Variants in AGMO observed in about 807,000 individuals in gnomAD.
AGMO encodes the protein glyceryl-ether monooxygenase.
Under a neutral mutation model 60.2 loss-of-function variants are expected in AGMO, and 75 were observed. The ratio of observed to expected loss-of-function variants is 1.25; its 90% CI spans 1.03 to 1.51. The LOEUF is 1.51. AGMO is among the 40% of genes most tolerant of loss of function. AGMO has a pLI of 0.00. For synonymous variants in AGMO, 261 were observed against 177.1 expected (o/e 1.47, Z -3.76); for missense variants, 763 against 525.5 (o/e 1.45, Z -4.42).
chr7:15,321,258 T>TA (rs1156687261), intron 12 of AGMO, among the ~76,000 whole-genome samples: 10 of 152,140 alleles, frequency 6.6e-5, no homozygotes, highest in Admixed American at 5.9e-4. Context: ...CGTATATAGA[T>TA]AGATTGTTGG....
intron 12 of AGMO, among the ~76,000 whole-genome samples, chr7:15,219,107 C>G (rs1008751691): frequency 1.3e-5 from 2 of 152,116 alleles, no homozygotes; most frequent in African/African-American, 4.8e-5. Flanking sequence ...TAATTATCTA[C>G]ACAATGTTCA....
chr7:15,383,017 C>CT (rs1783756709), intron 10 of AGMO, among the ~76,000 whole-genome samples: 1 of 151,628 alleles, frequency 6.6e-6, no homozygotes, highest in Non-Finnish European at 1.5e-5. Context: ...TCAAGCCACT[C>CT]TGTTGTTCTT....
the AGMO span, among the ~76,000 whole-genome samples, chr7:15,124,251 G>A: frequency 2.8e-4 from 42 of 151,918 alleles, no homozygotes; most frequent in African/African-American, 9.6e-4. Flanking sequence ...ATGGCTGACT[G>A]GTTTTTTCCC....
chr7:15,349,571 T>C (rs1159635432), intron 12 of AGMO, among the ~76,000 whole-genome samples: 1 of 152,114 alleles, frequency 6.6e-6, no homozygotes, highest in Non-Finnish European at 1.5e-5. Flanking sequence ...CACAGGTTCC[T>C]AGAAATCCTA....
rs1200931863 is a variant in AGMO at position 15,555,310 on chromosome 7, C to T, written c.257+4831G>A. Among the ~76,000 whole-genome samples the T allele has an allele frequency of 4.3e-3, 625 of 145,644 alleles. 5 individuals are homozygous for T. Among genetic ancestry groups the T allele is most frequent in the African/African-American group, 0.016 (588 of 37,818 alleles). On this transcript the variant is annotated intron_variant, in intron 2 of 12. Transcript: ENST00000342526. ...ATATATATACACACACACACACACA[C>T]ACACACACACACACACACACACACA...
rs1554274867 is a variant in AGMO at position 15,459,599 on chromosome 7, T to TGTGTGTGTGTGTGTGTGTG, written c.410-28492_410-28491insCACACACACACACACACAC. Among the ~76,000 whole-genome samples the TGTGTGTGTGTGTGTGTGTG allele has an allele frequency of 6.0e-4, 86 of 142,228 alleles. 2 individuals are homozygous for TGTGTGTGTGTGTGTGTGTG. The highest frequency in any genetic ancestry group is 7.3e-3 in the Middle Eastern group (2 of 274). The allele number at this position is 142,228 out of a possible 152,430, so 93.3% of individuals were successfully genotyped here. On this transcript the variant is annotated intron_variant, in intron 3 of 12. Transcript: ENST00000342526. The stretch of plus-strand genomic sequence containing the variant: ...GATCTTTAAATGTGTGTATGTGCGT[T>TGTGTGTGTGTGTGTGTGTG]TGTGTGTGTGTGTGTGTGTGTGTGT...
At chr7:15,120,880 G>A in the AGMO span, among the ~76,000 whole-genome samples, 21 of 151,804 alleles carry the variant, frequency 1.4e-4, no homozygotes, top group East Asian at 1.7e-3. Flanking sequence ...AAGTATACAC[G>A]TGCCACAGTG....
chr7:15,261,859 A>T (rs1783282563), intron 12 of AGMO, among the ~76,000 whole-genome samples: 1 of 152,110 alleles, frequency 6.6e-6, no homozygotes. Context: ...CCAGAAATCA[A>T]TAAATGTGAT....
rs1299926097 is a variant in AGMO, at chr7:15,312,701, G to A, written c.1263+52813C>T. Among the ~76,000 whole-genome samples, 5 of 151,486 alleles carry A rather than the reference G, an allele frequency of 3.3e-5. No individual in the cohort carries two copies. In the East Asian group the frequency reaches 5.8e-4, roughly 18 times the overall value. ...TAAAAGAATTTTGTTTTTTCCCCCCGAGACAGAGTCTTGCTCTGTCGCCCA... is the reference window on the plus strand; with the variant it reads ...TAAAAGAATTTTGTTTTTTCCCCCCAAGACAGAGTCTTGCTCTGTCGCCCA... On this transcript the variant is annotated intron_variant, in intron 12 of 12. Coordinates refer to ENST00000342526, the MANE Select transcript of AGMO (RefSeq NM_001004320.2).
the AGMO span, among the ~76,000 whole-genome samples, chr7:15,162,880 T>C: frequency 6.6e-6 from 1 of 152,150 alleles, no homozygotes; most frequent in African/African-American, 2.4e-5. Flanking sequence ...AAAGATAGAA[T>C]TTTATTGCAT....
Position 15,394,158 on chromosome 7 carries a change from A to C in AGMO, c.631T>G (p.Leu211Val). The change falls in exon 6 of 13, where the codon TTG becomes GTG. Residue 211 changes from leucine to valine, a missense_variant. By Grantham distance (32) the Leu-to-Val change is conservative. Coordinates refer to ENST00000342526, the MANE Select transcript of AGMO (RefSeq NM_001004320.2). ...HTEVINNLGP[L>V]ELILNTPSHH... ...CTAGGAGTATTAAGAATCAGTTCCA[A>C]AGGACCAAGGTTATTGATGACCTGT... is the stretch of plus-strand genomic sequence containing the variant. 1 of 1,611,638 alleles carries C rather than the reference A, an allele frequency of 6.2e-7. No individual in the cohort carries two copies. Among genetic ancestry groups the C allele is most frequent in the Non-Finnish European group, 8.5e-7 (1 of 1,177,958 alleles).
At chr7:15,411,492 GA>G (rs1780603757) in intron 5 of AGMO, among the ~76,000 whole-genome samples, 2 of 151,868 alleles carry the variant, frequency 1.3e-5, no homozygotes, top group Non-Finnish European at 2.9e-5. Context: ...TTAATGAAAT[GA>G]TTTACTTATT....
chr7:15,197,775 C>T (rs1488311560), downstream of AGMO, among the ~76,000 whole-genome samples: 2 of 152,174 alleles, frequency 1.3e-5, no homozygotes, highest in African/African-American at 4.8e-5. Flanking sequence ...TATCTTGGAG[C>T]ATCAAATTGA....
chr7:15,482,116 G>T (rs1489005211), intron 3 of AGMO, among the ~76,000 whole-genome samples: 1 of 148,138 alleles, frequency 6.8e-6, no homozygotes, highest in Admixed American at 6.7e-5. Context: ...GAAAAAATCA[G>T]AAAAAAAGAA....
intron 8 of AGMO, 42 bp downstream of exon 8, chr7:15,390,629 A>G: frequency 7.2e-7 from 1 of 1,390,078 alleles, no homozygotes; most frequent in Non-Finnish European, 1.0e-6. Context: ...AAGATTTATG[A>G]AATGATATAA....
intron 3 of AGMO, among the ~76,000 whole-genome samples, chr7:15,517,804 G>A (rs1025452591): frequency 6.6e-6 from 1 of 152,022 alleles, no homozygotes; most frequent in Non-Finnish European, 1.5e-5. Context: ...GTGGTGCCTG[G>A]AATACCAGTG....
chr7:15,502,034 A>G (rs573636421), intron 3 of AGMO, among the ~76,000 whole-genome samples: 2 of 152,228 alleles, frequency 1.3e-5, no homozygotes, highest in East Asian at 3.9e-4. Flanking sequence ...TGAAGTCCAG[A>G]ATCTAAGCCC....
chr7:15,337,686 C>T (rs1266484684), intron 12 of AGMO, among the ~76,000 whole-genome samples: 1 of 152,168 alleles, frequency 6.6e-6, no homozygotes, highest in Non-Finnish European at 1.5e-5. Flanking sequence ...GGAATAGGTT[C>T]ACGAAATGCA....
chr7:15,394,015 G>C (rs1784261351), intron 6 of AGMO, 98 bp downstream of exon 6: 2 of 861,428 alleles, frequency 2.3e-6, no homozygotes, highest in Admixed American at 2.1e-5. Flanking sequence ...AATGTGTGCT[G>C]ACTATATTGG....
Sources: gnomAD v4.1 joint callset for allele counts (sites outside exome capture counted in the v4.1 genomes callset) on GRCh38, gnomAD v4.1.1 for gene constraint, MANE v1.5 for transcripts, NCBI Gene and HGNC (gene_info 2026-07-23, HGNC 2026-07-21) for gene names.